SAMSN1: variants seen among roughly 807,000 people sequenced by gnomAD.
SAMSN1 encodes SAM domain-containing protein SAMSN-1.
SAMSN1 carries 31 observed loss-of-function variants against 42.0 expected under a neutral mutation model. That is an observed-to-expected ratio of 0.74 (90% CI 0.55 to 1.00). The LOEUF is 1.00. Ranked by LOEUF, SAMSN1 falls within the 50% of genes least tolerant of loss-of-function variation. The pLI is 0.00. For synonymous variants in SAMSN1, 178 were observed against 151.9 expected (o/e 1.17, Z -1.26); for missense variants, 464 against 439.4 (o/e 1.06, Z -0.50).
At chr21:14,562,538 T>TTA (rs1980978699) in intron 2 of SAMSN1, among the ~76,000 whole-genome samples, 1 of 149,536 alleles carries the variant, frequency 6.7e-6, no homozygotes, top group Non-Finnish European at 1.5e-5. Context: ...CTATATATAT[T>TTA]TATATATATG....
chr21:14,615,381 A>T (rs1397128315), intron 3 of SAMSN1, among the ~76,000 whole-genome samples: 1 of 152,182 alleles, frequency 6.6e-6, no homozygotes, highest in Non-Finnish European at 1.5e-5. Flanking sequence ...ACACCCAGAG[A>T]GAACATCACA....
chr21:14,599,639 C>G (rs185617823), intron 6 of SAMSN1, among the ~76,000 whole-genome samples: 4 of 152,102 alleles, frequency 2.6e-5, no homozygotes, highest in Admixed American at 2.0e-4. Context: ...TTAGTTCCTG[C>G]GAGAGCCAGT....
intron 2 of SAMSN1, among the ~76,000 whole-genome samples, chr21:14,627,169 C>T (rs1177965434): frequency 5.3e-5 from 8 of 151,844 alleles, no homozygotes; most frequent in Admixed American, 5.3e-4. Context: ...GGAGATATAC[C>T]TAATGTAAAT....
intron 1 of SAMSN1, among the ~76,000 whole-genome samples, chr21:14,651,990 A>G (rs1983844733): frequency 6.6e-6 from 1 of 152,076 alleles, no homozygotes; most frequent in South Asian, 2.1e-4. Flanking sequence ...TATTGCTGAA[A>G]TCAATTGAGG....
upstream of SAMSN1, among the ~76,000 whole-genome samples, chr21:14,547,322 C>T (rs1227847124): frequency 1.3e-5 from 2 of 152,114 alleles, no homozygotes; most frequent in African/African-American, 2.4e-5. Context: ...AATGGATCAA[C>T]GGTTTCTTCA....
chr21:14,536,158 G>A (rs17003493), intron 1 of SAMSN1, among the ~76,000 whole-genome samples: 2,017 of 152,248 alleles, frequency 0.013, 16 homozygotes, highest in South Asian at 0.026. Flanking sequence ...GAGGAGAAAT[G>A]GATCAGTTTG....
rs934160719 is a variant in SAMSN1, at chr21:14,648,143, T to G, written c.25-5010A>C. ...TGGGTTTGTCATAGATAGCTCTTAT[T>G]ATTTTGAAATACATCCCATCAATAC... On this transcript the variant is annotated intron_variant, in intron 1 of 15. Coordinates refer to the SAMSN1 transcript ENST00000647101. Among the ~76,000 whole-genome samples, 522 of 152,024 alleles carry G rather than the reference T, an allele frequency of 3.4e-3. 1 individual carries two copies. The highest frequency in any genetic ancestry group is 0.012 in the African/African-American group (498 of 41,472).
At chr21:14,494,706 T>C (rs909997063) in intron 7 of SAMSN1, among the ~76,000 whole-genome samples, 1 of 129,216 alleles carries the variant, frequency 7.7e-6, no homozygotes, top group African/African-American at 3.0e-5. Flanking sequence ...TAAAGTACAA[T>C]ACAAAAAAAA....
upstream of SAMSN1, among the ~76,000 whole-genome samples, chr21:14,584,557 T>C (rs1323241649): frequency 6.6e-6 from 1 of 152,212 alleles, no homozygotes; most frequent in African/African-American, 2.4e-5. Flanking sequence ...GATTTCAAAA[T>C]ACTTTGGAAA....
Position 14,655,471 on chromosome 21 carries a change from A to G in SAMSN1, c.24+3277T>C, listed in dbSNP as rs536928484. ...ATATCAACAAAATCAAATAGTACCT[A>G]TAAAACTACATTAAGACCAATTAGT... On this transcript the variant is annotated intron_variant, in intron 1 of 15. Transcript: ENST00000647101. Among the ~76,000 whole-genome samples, 4 of 152,014 alleles carry G rather than the reference A, an allele frequency of 2.6e-5. No homozygotes were observed. In the South Asian group the frequency reaches 8.3e-4, roughly 31 times the overall value.
intron 1 of SAMSN1, among the ~76,000 whole-genome samples, chr21:14,543,074 T>A (rs1409909173): frequency 6.6e-6 from 1 of 152,226 alleles, no homozygotes; most frequent in Non-Finnish European, 1.5e-5. Flanking sequence ...CTTTTCTAAT[T>A]TGGAATTTAT....
At chr21:14,574,306 T>C (rs755675553) in intron 2 of SAMSN1, among the ~76,000 whole-genome samples, 4 of 152,198 alleles carry the variant, frequency 2.6e-5, no homozygotes, top group Non-Finnish European at 5.9e-5. Flanking sequence ...TCATGGATCT[T>C]ATTTCATGAT....
intron 2 of SAMSN1, among the ~76,000 whole-genome samples, chr21:14,627,199 C>G (rs1228887180): frequency 6.6e-6 from 1 of 151,746 alleles, no homozygotes; most frequent in Non-Finnish European, 1.5e-5. Flanking sequence ...ATGGGTGCAG[C>G]ACACCAATAT....
chr21:14,505,563 G>A (rs936151880), intron 5 of SAMSN1, among the ~76,000 whole-genome samples: 9 of 152,120 alleles, frequency 5.9e-5, no homozygotes, highest in Non-Finnish European at 1.3e-4. Context: ...TCCTAAACAT[G>A]TATGCACCTA....
At chr21:14,614,676 G>T (rs554207887) in intron 3 of SAMSN1, among the ~76,000 whole-genome samples, 1 of 152,036 alleles carries the variant, frequency 6.6e-6, no homozygotes, top group South Asian at 2.1e-4. Flanking sequence ...TTAATCTTTT[G>T]TTTTTAATTT....
rs56728511 is a variant in SAMSN1 at position 14,581,344 on chromosome 21, C to CTTTTTTTTTTTTTTTTTTTTTTTTTTTTT, written c.261+763_261+791dup. Among the ~76,000 whole-genome samples the CTTTTTTTTTTTTTTTTTTTTTTTTTTTTT allele has an allele frequency of 1.5e-4, 5 of 32,592 alleles. 2 individuals carry two copies. The highest frequency in any genetic ancestry group is 2.0e-4 in the African/African-American group (2 of 9,770). The allele number at this position is 32,592 out of a possible 152,430, so 21.4% of individuals were successfully genotyped here. A position where few individuals can be genotyped will look rare whatever the true frequency, so the allele number is the denominator to read the frequency against. ...TGTAAAATGAGGGGAAATAATATTT[C>CTTTTTTTTTTTTTTTTTTTTTTTTTTTTT]TTTTTTTTTTTTTTTTTTTTTTTTT... On this transcript the variant is annotated intron_variant, in intron 2 of 8. Transcript: ENST00000285670.
At chr21:14,510,240 C>G in intron 5 of SAMSN1, 70 bp downstream of exon 5, 2 of 1,466,208 alleles carry the variant, frequency 1.4e-6, no homozygotes. Context: ...ACTGCTTATA[C>G]TTGCTGAAAC....
intron 2 of SAMSN1, among the ~76,000 whole-genome samples, chr21:14,571,778 C>G (rs1416955850): frequency 6.6e-6 from 1 of 152,090 alleles, no homozygotes; most frequent in Admixed American, 6.6e-5. Flanking sequence ...CATGTGCACT[C>G]CAGCCTCTTC....
intron 4 of SAMSN1, 113 bp from the exon 5 acceptor site, chr21:14,510,574 G>A (rs1256524090): frequency 1.6e-6 from 2 of 1,233,418 alleles, no homozygotes; most frequent in Non-Finnish European, 2.3e-6. Context: ...AGGCTCCTGA[G>A]GAAGTTCTAA....
Sources: allele counts gnomAD v4.1 joint callset (sites outside exome capture counted in the v4.1 genomes callset), GRCh38; gene constraint gnomAD v4.1.1; transcripts MANE v1.5; gene names NCBI Gene and HGNC (gene_info 2026-07-23, HGNC 2026-07-21).